BCAN: variants seen among roughly 807,000 people sequenced by gnomAD.
BCAN encodes brevican.
A neutral mutation model predicts 92.4 loss-of-function variants in BCAN; 51 were observed. The observed-to-expected ratio is 0.55, with a 90% CI of 0.44 to 0.70. The LOEUF is 0.70. Ranked by LOEUF, BCAN falls within the 30% of genes least tolerant of loss-of-function variation. The probability of loss-of-function intolerance (pLI) is 0.00; values close to 1 mark genes in which losing one functional copy is unlikely to be tolerated. For missense variants in BCAN, 1,140 were observed against 1,212.1 expected (o/e 0.94, Z 0.88); for synonymous variants, 501 against 505.2 (o/e 0.99, Z 0.11).
chr1:156,644,138 T>C lies in BCAN; in HGVS notation c.-9+1863T>C, dbSNP rs561029871. The C allele has an allele frequency of 3.9e-5, 6 of 152,282 alleles. 1 individual carries two copies. Among genetic ancestry groups the C allele is most frequent in the African/African-American group, 1.4e-4 (6 of 41,518 alleles). The allele number at this position is 152,282 out of a possible 1,614,324, so 9.4% of individuals were successfully genotyped here. ...TGGTCAGTGACTCCCATTTTTGGGG[T>C]CAAGGGTAGGTTGCCCTCCATGTTC... On this transcript the variant is annotated intron_variant, in intron 1 of 13. Transcript: ENST00000329117.
At position 156,658,226 on chromosome 1, in the gene BCAN, G is replaced by A. The variant is rs762198822; in HGVS notation, c.2392G>A (p.Val798Met). ...VWHDQGQWSD[V>M]PCNYHLSYTC... ...GCATGATCAGGGACAATGGAGTGACGTGCCCTGCAACTACCACCTGTCCTA... is the reference window on the plus strand; with the variant it reads ...GCATGATCAGGGACAATGGAGTGACATGCCCTGCAACTACCACCTGTCCTA... The change falls in exon 12 of 14, where the codon GTG becomes ATG. Residue 798 changes from valine (V) to methionine (M), a missense_variant. Physicochemically the swap from Val to Met is conservative, Grantham distance 21 (BLOSUM62 1). This residue lies in a region of BCAN where 825 missense variants were observed against 871.8 expected (regional missense o/e 0.95). Coordinates refer to ENST00000329117, the MANE Select transcript of BCAN (RefSeq NM_021948.5). The surrounding 1 kb of genome is among the most constrained non-coding windows in gnomAD (Gnocchi z 4.4). The A allele has an allele frequency of 1.3e-5, 21 of 1,614,066 alleles. No individual in the cohort carries two copies. The highest frequency in any genetic ancestry group is 1.7e-5 in the Non-Finnish European group (20 of 1,180,008).
rs1222740234 is a variant in BCAN at position 156,659,246 on chromosome 1, C to CT, written c.*113dup. 15 of 805,320 alleles carry CT rather than the reference C, an allele frequency of 1.9e-5. No homozygotes were observed. Among genetic ancestry groups the CT allele is most frequent in the Non-Finnish European group, 2.5e-5 (13 of 527,738 alleles). 49.9% of individuals were successfully genotyped at this position (805,320 alleles called of 1,614,324 possible). ...AGTGACAACATGACGAGGGGTGGTA[C>CT]TGGAGTCCAGGTGACAGTTCCTGAA... On this transcript the variant is annotated 3_prime_UTR_variant, in exon 14 of 14. Transcript: ENST00000329117.
chr1:156,657,550 C>A, intron 10 of BCAN, 125 bp from the exon 11 acceptor site: 1 of 716,786 alleles, frequency 1.4e-6, no homozygotes, highest in South Asian at 1.8e-5. Flanking sequence ...GTAGAAGAAC[C>A]CGACAAGGGC....
chr1:156,648,996 C>T (rs909299677), intron 6 of BCAN, 135 bp downstream of exon 6: 95 of 1,077,954 alleles, frequency 8.8e-5, no homozygotes, highest in Non-Finnish European at 1.1e-4. Flanking sequence ...TGAAGTCCAG[C>T]TTGTCATCTA....
Position 156,658,816 on chromosome 1 carries a change from C to A in BCAN, c.2628+83C>A. The A allele has an allele frequency of 6.4e-7, 1 of 1,570,550 alleles. No homozygotes were observed. Among genetic ancestry groups the A allele is most frequent in the Non-Finnish European group, 8.7e-7 (1 of 1,149,108 alleles). On this transcript the variant is annotated intron_variant, in intron 13 of 13. Coordinates refer to ENST00000329117, the MANE Select transcript of BCAN (RefSeq NM_021948.5). The surrounding 1 kb of genome is among the most constrained non-coding windows in gnomAD (Gnocchi z 4.4). ...ACTCCACTTAAAGTCCTGCCTGTCA[C>A]TGGCCATGTGACCTTGGAGCCATCA...
At chr1:156,651,164 A>G (rs781422894) in intron 6 of BCAN, among the ~76,000 whole-genome samples, 2 of 152,140 alleles carry the variant, frequency 1.3e-5, no homozygotes, top group African/African-American at 2.4e-5. Flanking sequence ...ATTATAATAT[A>G]TGTTTGTTTG....
In BCAN at chr1:156,658,101, C is replaced by T. The variant is rs1163570288; in HGVS notation, c.2293-26C>T. ...TCCCGGTGCTCCTGGTGTAGGAGCTCCTCACCACCTCCTCCGTTCCCCCAG... is the reference window on the plus strand; with the variant it reads ...TCCCGGTGCTCCTGGTGTAGGAGCTTCTCACCACCTCCTCCGTTCCCCCAG... On this transcript the variant is annotated intron_variant, in intron 11 of 13. Coordinates refer to ENST00000329117, the MANE Select transcript of BCAN (RefSeq NM_021948.5). This position sits in a 1 kb window ranked among gnomAD's most constrained non-coding sequence, Gnocchi z 4.4. The T allele has an allele frequency of 6.2e-7, 1 of 1,610,214 alleles. No individual in the cohort carries two copies. The highest frequency in any genetic ancestry group is 8.5e-7 in the Non-Finnish European group (1 of 1,177,898).
At chr1:156,652,998 A>G in intron 8 of BCAN, 106 bp downstream of exon 8, 2 of 1,534,178 alleles carry the variant, frequency 1.3e-6, no homozygotes, top group Non-Finnish European at 8.8e-7. Flanking sequence ...ATCATCCCAA[A>G]CTCTCCTGTC....
chr1:156,652,719 G>A lies in BCAN; in HGVS notation c.1769G>A (p.Gly590Asp). 1.9e-6 allele frequency: 3 copies of A among 1,604,584 alleles called. No homozygotes were observed. Among genetic ancestry groups the A allele is most frequent in the Non-Finnish European group, 2.6e-6 (3 of 1,173,812 alleles). Residue 590 changes from glycine (G) to aspartate (D), a missense_variant, in exon 8 of 14, where the codon GGT (glycine) becomes GAT (aspartate). By Grantham distance (94) the Gly-to-Asp change is moderately conservative (BLOSUM62 -1). Around this residue, in one of 3 missense-constraint regions of BCAN, gnomAD observed 825 missense variants for 871.8 expected, o/e 0.95. Transcript: ENST00000329117. ...GESEETGSSE[G>D]APSLLPATRA... ...AGCGAGGAGACAGGAAGCTCCGAGG[G>A]TGCCCCTTCCCTGCTTCCAGCCACA...
In BCAN at chr1:156,645,952, G is replaced by A. The variant is rs551971304; in HGVS notation, c.-8-95G>A. On this transcript the variant is annotated intron_variant, in intron 1 of 13. Transcript: ENST00000329117. ...TGAAGGTAGGGGACTTCTGGAGCCA[G>A]GATATGTGTGAACCCACATGGGTGT... The A allele has an allele frequency of 6.0e-5, 61 of 1,015,990 alleles. No homozygotes were observed. In the East Asian group the frequency reaches 1.6e-3, roughly 26 times the overall value. The allele number at this position is 1,015,990 out of a possible 1,614,324, so 62.9% of individuals were successfully genotyped here.
chr1:156,649,569 A>C (rs2185784), intron 6 of BCAN, among the ~76,000 whole-genome samples: 1 of 151,882 alleles, frequency 6.6e-6, no homozygotes, highest in Non-Finnish European at 1.5e-5. Context: ...ATGTCTAGCA[A>C]ATTTTTGTAA....
Position 156,647,211 on chromosome 1 carries a change from AG to A in BCAN, c.466+39del. ...AGGGAGGTTCCAGAGGGAGGGAGGG[AG>A]GGAGGGAAGGGAGGACTCTTGCCTT... On this transcript the variant is annotated intron_variant, in intron 3 of 13. Coordinates refer to ENST00000329117, the MANE Select transcript of BCAN (RefSeq NM_021948.5). The surrounding 1 kb of genome is among the most constrained non-coding windows in gnomAD (Gnocchi z 4.8). The A allele has an allele frequency of 4.9e-6, 1 of 204,714 alleles. No individual in the cohort carries two copies. Among genetic ancestry groups the A allele is most frequent in the Non-Finnish European group, 1.0e-5 (1 of 100,120 alleles). 12.7% of individuals were successfully genotyped at this position (204,714 alleles called of 1,614,324 possible).
rs1034922244 is a variant in BCAN, at chr1:156,652,775, G to A, written c.1825G>A (p.Ala609Thr). 23 of 1,611,276 alleles carry A rather than the reference G, an allele frequency of 1.4e-5. No individual in the cohort carries two copies. Among genetic ancestry groups the A allele is most frequent in the Middle Eastern group, 1.7e-4 (1 of 6,048 alleles). Residue 609 changes from alanine (A) to threonine (T), a missense_variant, in exon 8 of 14, where the codon GCC becomes ACC. Physicochemically the swap from Ala to Thr is moderately conservative, Grantham distance 58. This residue lies in a region of BCAN where 825 missense variants were observed against 871.8 expected (regional missense o/e 0.95). Transcript: ENST00000329117. ...CCCTGAGGGTACCAGGGAGCTGGAG[G>A]CCCCCTCTGAAGATAATTCTGGAAG... ...RAPEGTRELE[A>T]PSEDNSGRTA...
intron 1 of BCAN, among the ~76,000 whole-genome samples, chr1:156,645,600 G>A (rs1158494877): frequency 6.6e-6 from 1 of 152,158 alleles, no homozygotes; most frequent in African/African-American, 2.4e-5. Context: ...TTCGAGGAAG[G>A]AGTCTGGCAC....
chr1:156,651,805 CAGT>C, intron 7 of BCAN, 116 bp downstream of exon 7: 1 of 959,530 alleles, frequency 1.0e-6, no homozygotes, highest in African/African-American at 1.6e-5. Flanking sequence ...TGTCCTTTCT[CAGT>C]AGCTCAGGGG....
In BCAN at chr1:156,658,924, C is replaced by T. The variant is rs1679431735; in HGVS notation, c.2629-103C>T. 1 of 1,327,112 alleles carries T rather than the reference C, an allele frequency of 7.5e-7. No homozygotes were observed. The highest frequency in any genetic ancestry group is 2.2e-5 in the Admixed American group (1 of 45,846). The allele number at this position is 1,327,112 out of a possible 1,614,324, so 82.2% of individuals were successfully genotyped here. On this transcript the variant is annotated intron_variant, in intron 13 of 13. Transcript: ENST00000329117. The surrounding 1 kb of genome is among the most constrained non-coding windows in gnomAD (Gnocchi z 4.4). ...GTGCTGATGTCTGATAACATGCAGCCCCATTCTGGGCTCTTACGGGCTGAG... is the reference window on the plus strand; with the variant it reads ...GTGCTGATGTCTGATAACATGCAGCTCCATTCTGGGCTCTTACGGGCTGAG...
At chr1:156,656,572 C>T (rs909448222) in intron 9 of BCAN, among the ~76,000 whole-genome samples, 183 bp downstream of exon 9, 6 of 152,174 alleles carry the variant, frequency 3.9e-5, no homozygotes, top group Admixed American at 2.0e-4. Context: ...ACCACAATGC[C>T]TCTCATAGGG....
At chr1:156,656,480 G>A (rs1478599196) in intron 9 of BCAN, 91 bp downstream of exon 9, 1 of 1,065,038 alleles carries the variant, frequency 9.4e-7, no homozygotes, top group Non-Finnish European at 1.3e-6. Flanking sequence ...ATTGGTTTTG[G>A]CCTTGTCATT....
chr1:156,649,993 G>A (rs1679109688), intron 6 of BCAN: 2 of 516,500 alleles, frequency 3.9e-6, no homozygotes, highest in South Asian at 1.4e-5. Context: ...CCCAGGATGA[G>A]GAGAGACTGA....
Sources: allele counts gnomAD v4.1 joint callset (sites outside exome capture counted in the v4.1 genomes callset), GRCh38; gene constraint gnomAD v4.1.1; regional missense constraint gnomAD v4.1.1; non-coding constraint Gnocchi (gnomAD v3.1); transcripts MANE v1.5; gene names NCBI Gene and HGNC (gene_info 2026-07-23, HGNC 2026-07-21).